Variants in ADA observed in about 807,000 individuals in gnomAD.
ADA encodes adenosine aminohydrolase.
ADA carries 45 observed loss-of-function variants against 49.0 expected under a neutral mutation model. The ratio of observed to expected loss-of-function variants is 0.92; its 90% CI spans 0.72 to 1.18. The LOEUF is 1.18. Ranked by LOEUF, ADA falls within the 50% of genes most tolerant of loss-of-function variation. ADA has a pLI of 0.00. For missense variants in ADA, 445 were observed against 472.5 expected (o/e 0.94, Z 0.54); for synonymous variants, 173 against 184.2 (o/e 0.94, Z 0.49).
At chr20:44,639,411 C>CTTTTG (rs968960751) in intron 1 of ADA, among the ~76,000 whole-genome samples, 2 of 151,560 alleles carry the variant, frequency 1.3e-5, no homozygotes, top group African/African-American at 2.4e-5. Flanking sequence ...CTAGAGACAC[C>CTTTTG]TTTTGTTTTT....
At chr20:44,642,820 G>A (rs2065549708) in intron 1 of ADA, among the ~76,000 whole-genome samples, 1 of 152,188 alleles carries the variant, frequency 6.6e-6, no homozygotes. Flanking sequence ...AGAGACAGTG[G>A]GTGCTCAGCG....
Position 44,621,047 on chromosome 20 carries a change from C to A in ADA, c.946G>T (p.Gly316Cys). Residue 316 changes from glycine (G) to cysteine (C), a missense_variant, in exon 10 of 12, where the codon GGC (glycine) becomes TGC (cysteine). By Grantham distance (159) the Gly-to-Cys change is radical. Coordinates refer to ENST00000372874, the MANE Select transcript of ADA (RefSeq NM_000022.4). ...CTTTTAAACTCCTCTTCAGTAAAGC[C>A]CATGTCCCGTTTGGTCATCTGGTAA... Reference protein sequence around the residue: ...TDYQMTKRDMGFTEEEFKRLN... With the variant: ...TDYQMTKRDMCFTEEEFKRLN... The A allele has an allele frequency of 6.2e-7, 1 of 1,614,132 alleles. No homozygotes were observed. Among genetic ancestry groups the A allele is most frequent in the Non-Finnish European group, 8.5e-7 (1 of 1,180,006 alleles).
intron 1 of ADA, among the ~76,000 whole-genome samples, chr20:44,645,828 A>G (rs1487348258): frequency 6.6e-6 from 1 of 152,070 alleles, no homozygotes; most frequent in Non-Finnish European, 1.5e-5. Context: ...GGAAATCAGG[A>G]CTCAGACCCA....
At chr20:44,651,046 G>C (rs553825023) in intron 1 of ADA, among the ~76,000 whole-genome samples, 18 of 152,294 alleles carry the variant, frequency 1.2e-4, no homozygotes, top group Non-Finnish European at 1.8e-4. Context: ...GCGGGGGAAG[G>C]GGGGTGCTCT....
intron 1 of ADA, among the ~76,000 whole-genome samples, chr20:44,645,233 C>A (rs2065578548): frequency 6.6e-6 from 1 of 151,908 alleles, no homozygotes; most frequent in Non-Finnish European, 1.5e-5. Flanking sequence ...GCAAGTGTAT[C>A]CCAAGTCCCA....
chr20:44,643,201 C>G (rs2065554433), intron 1 of ADA, among the ~76,000 whole-genome samples: 1 of 152,234 alleles, frequency 6.6e-6, no homozygotes, highest in Admixed American at 6.5e-5. Flanking sequence ...TGAGTATCTA[C>G]TATGTGCTAG....
At chr20:44,623,233 A>G (rs1214770568) in intron 6 of ADA, among the ~76,000 whole-genome samples, 155 bp from the exon 7 acceptor site, 1 of 152,212 alleles carries the variant, frequency 6.6e-6, no homozygotes, top group Non-Finnish European at 1.5e-5. Context: ...TCCTTATCTA[A>G]GTGGTAGCTG....
Position 44,625,683 on chromosome 20 carries a change from C to G in ADA, c.364G>C (p.Gly122Arg). ...VEPIPWNQAE[G>R]DLTPDEVVAL... Reference sequence around the variant, plus strand: ...ACCACCTCGTCTGGGGTGAGGTCCCCTCTGTGTGAGGAGAGGAGTAGGGAT... The same window carrying G: ...ACCACCTCGTCTGGGGTGAGGTCCCGTCTGTGTGAGGAGAGGAGTAGGGAT... Residue 122 changes from glycine (G) to arginine (R), a missense_variant and splice_region_variant, in exon 5 of 12, where the codon GGG (glycine) becomes CGG (arginine). Coordinates refer to ENST00000372874, the MANE Select transcript of ADA (RefSeq NM_000022.4). 1 of 1,558,842 alleles carries G rather than the reference C, an allele frequency of 6.4e-7. No individual in the cohort carries two copies. Among genetic ancestry groups the G allele is most frequent in the East Asian group, 2.4e-5 (1 of 41,864 alleles).
chr20:44,645,993 C>T (rs1265084336), intron 1 of ADA, among the ~76,000 whole-genome samples: 1 of 152,114 alleles, frequency 6.6e-6, no homozygotes, highest in Admixed American at 6.5e-5. Context: ...TGGGTAAATA[C>T]AGATTCCAAC....
chr20:44,620,540 G>A (rs1568842057), intron 10 of ADA, 139 bp from the exon 11 acceptor site: 5 of 755,932 alleles, frequency 6.6e-6, no homozygotes, highest in East Asian at 2.7e-5. Context: ...ACTGTCACAC[G>A]GCAGCAAGTG....
intron 3 of ADA, 104 bp from the exon 4 acceptor site, chr20:44,626,703 C>T: frequency 7.1e-7 from 1 of 1,413,628 alleles, no homozygotes; most frequent in South Asian, 1.2e-5. Flanking sequence ...CCCACTTCAT[C>T]CCCCAGACCC....
In ADA at chr20:44,620,419, G is replaced by A; in HGVS notation, c.976-18C>T. 1 of 1,600,492 alleles carries A rather than the reference G, an allele frequency of 6.2e-7. No individual in the cohort carries two copies. The highest frequency in any genetic ancestry group is 8.6e-7 in the Non-Finnish European group (1 of 1,167,512). On this transcript the variant is annotated intron_variant, in intron 10 of 11. Coordinates refer to ENST00000372874, the MANE Select transcript of ADA (RefSeq NM_000022.4). The stretch of plus-strand genomic sequence containing the variant: ...TTGATGTTCTGGAAAGGCCAGAATG[G>A]CAGACAACATGGAACCAGAGAACAA...
chr20:44,636,824 C>T (rs558994358), intron 1 of ADA, among the ~76,000 whole-genome samples: 63 of 152,002 alleles, frequency 4.1e-4, no homozygotes, highest in Non-Finnish European at 7.5e-4. Context: ...TTTTTTGAGA[C>T]GGATGGAGTC....
At position 44,625,594 on chromosome 20, in the gene ADA, G is replaced by A. The variant is rs1439756034; in HGVS notation, c.453C>T (p.Ile151=). ...ERDFGVKARS[I]LCCMRHQPNW... is the part of the protein sequence containing the mutation. ...TGGGCTGGTGGCGCATGCAGCACAG[G>A]ATGGACCGGGCCTTGACCCCGAAGT... Residue 151 remains isoleucine, a synonymous_variant, in exon 5 of 12, where the codon ATC becomes ATT. Transcript: ENST00000372874. The A allele has an allele frequency of 6.3e-7, 1 of 1,587,998 alleles. No individual in the cohort carries two copies. Among genetic ancestry groups the A allele is most frequent in the South Asian group, 1.1e-5 (1 of 87,214 alleles).
intron 2 of ADA, among the ~76,000 whole-genome samples, chr20:44,635,222 C>T (rs917849029): frequency 1.3e-5 from 2 of 152,244 alleles, no homozygotes; most frequent in African/African-American, 4.8e-5. Context: ...AACAGGGGGA[C>T]CCTCTGGCCC....
At chr20:44,622,466 G>T in intron 9 of ADA, 122 bp downstream of exon 9, 1 of 1,188,286 alleles carries the variant, frequency 8.4e-7, no homozygotes, top group Non-Finnish European at 1.2e-6. Context: ...CTGCTTCCCA[G>T]GGTGTCGAAG....
intron 5 of ADA, among the ~76,000 whole-genome samples, chr20:44,624,742 A>G (rs1298727134): frequency 6.6e-6 from 1 of 152,222 alleles, no homozygotes; most frequent in Non-Finnish European, 1.5e-5. Context: ...TAGAACTCAC[A>G]CTAGTATTGG....
In ADA at chr20:44,624,193, A is replaced by G. The variant is rs2065360149; in HGVS notation, c.606+9T>C. 2 of 1,607,204 alleles carry G rather than the reference A, an allele frequency of 1.2e-6. No homozygotes were observed. The highest frequency in any genetic ancestry group is 1.7e-6 in the Non-Finnish European group (2 of 1,176,572). On this transcript the variant is annotated intron_variant, in intron 6 of 11. Coordinates refer to ENST00000372874, the MANE Select transcript of ADA (RefSeq NM_000022.4). ...GGCCAGCCTCTCCATTCCTTCTCAC[A>G]GGACCCACCTGGTAGGCCTGGACAT...
intron 1 of ADA, among the ~76,000 whole-genome samples, chr20:44,642,172 G>A (rs2065542063): frequency 6.6e-6 from 1 of 152,156 alleles, no homozygotes; most frequent in African/African-American, 2.4e-5. Context: ...CATCTGCCTG[G>A]GGCCCTGAGT....
Sources: allele counts gnomAD v4.1 joint callset (sites outside exome capture counted in the v4.1 genomes callset), GRCh38; gene constraint gnomAD v4.1.1; transcripts MANE v1.5; gene names NCBI Gene and HGNC (gene_info 2026-07-23, HGNC 2026-07-21).